The following GRIA3 variants were observed in gnomAD, a reference collection of about 807,000 sequenced individuals.
The protein encoded by GRIA3 is glutamate receptor 3.
GRIA3 carries 3 observed loss-of-function variants against 63.0 expected under a neutral mutation model. That is an observed-to-expected ratio of 0.05 (90% CI 0.02 to 0.12). GRIA3 has a LOEUF of 0.12. GRIA3 is among the 10% of genes least tolerant of loss of function. The probability of loss-of-function intolerance (pLI) is 1.00; values close to 1 mark genes in which losing one functional copy is unlikely to be tolerated. For synonymous variants in GRIA3, 274 were observed against 257.9 expected, an observed-to-expected ratio of 1.06 and a Z score of -0.60; for missense variants, 347 against 700.9, an observed-to-expected ratio of 0.50 and a Z score of 5.70.
intron 3 of GRIA3, among the ~76,000 whole-genome samples, chrX:123,268,055 C>T (rs2044498545): frequency 9.0e-6 from 1 of 111,690 alleles, no homozygotes; most frequent in Non-Finnish European, 1.9e-5. Context: ...GACCTGAGAT[C>T]CTTGTTCCTG....
intron 2 of GRIA3, among the ~76,000 whole-genome samples, chrX:123,224,386 A>G (rs953831997): frequency 2.7e-5 from 3 of 111,393 alleles, no homozygotes; most frequent in Non-Finnish European, 3.8e-5. Flanking sequence ...CTTCAACCCA[A>G]CAGACACTTA....
At chrX:123,410,389 G>C (rs1165987085) in intron 10 of GRIA3, among the ~76,000 whole-genome samples, 1 of 112,051 alleles carries the variant, frequency 8.9e-6, no homozygotes, top group African/African-American at 3.2e-5. Flanking sequence ...TTCTGACTTA[G>C]AAGATAGCAG....
At chrX:123,415,358 T>C (rs1479046079) in intron 10 of GRIA3, among the ~76,000 whole-genome samples, 1 of 111,755 alleles carries the variant, frequency 8.9e-6, no homozygotes, top group Non-Finnish European at 1.9e-5. Flanking sequence ...GACAGAGAAA[T>C]ATAGAATGCA....
chrX:123,272,136 G>A (rs916286189), intron 3 of GRIA3, among the ~76,000 whole-genome samples: 26 of 111,314 alleles, frequency 2.3e-4, no homozygotes, highest in African/African-American at 7.8e-4. Context: ...TGCCTTGGGC[G>A]TCAGTCACAT....
At chrX:123,460,713 G>A (rs1388691975) in intron 12 of GRIA3, among the ~76,000 whole-genome samples, 2 of 111,492 alleles carry the variant, frequency 1.8e-5, no homozygotes, top group African/African-American at 3.3e-5. Context: ...AGGTACACAG[G>A]TGTTTTTACA....
intron 5 of GRIA3, among the ~76,000 whole-genome samples, chrX:123,391,635 G>T (rs1337871547): frequency 1.8e-5 from 2 of 111,864 alleles, no homozygotes; most frequent in Admixed American, 9.5e-5. Flanking sequence ...GGCCCTCCAG[G>T]CAGCTTGCTC....
chrX:123,435,533 A>G (rs2045639447), intron 12 of GRIA3, among the ~76,000 whole-genome samples: 1 of 112,035 alleles, frequency 8.9e-6, no homozygotes, highest in Non-Finnish European at 1.9e-5. Context: ...ATGTTAAGGC[A>G]TCTGTATCAT....
At chrX:123,189,268 C>T (rs944931253) in intron 2 of GRIA3, among the ~76,000 whole-genome samples, 9 of 112,290 alleles carry the variant, frequency 8.0e-5, no homozygotes, top group African/African-American at 6.5e-5. Flanking sequence ...AGGATATATA[C>T]ATTCATAGAC....
chrX:123,265,397 T>C (rs1228634261), intron 3 of GRIA3, among the ~76,000 whole-genome samples: 1 of 112,180 alleles, frequency 8.9e-6, no homozygotes, highest in Non-Finnish European at 1.9e-5. Context: ...TTATATGCTA[T>C]ATCTATTATA....
chrX:123,391,822 T>TGTAGGTAGCACATGCAGGTGA (rs1279640437), intron 5 of GRIA3, among the ~76,000 whole-genome samples: 1 of 112,476 alleles, frequency 8.9e-6, no homozygotes. Context: ...TCTTGAGGCC[T>TGTAGGTAGCACATGCAGGTGA]GTAGGTAGCA....
chrX:123,393,013 ACT>A (rs1171375868), intron 5 of GRIA3, among the ~76,000 whole-genome samples: 2 of 112,464 alleles, frequency 1.8e-5, no homozygotes, highest in Admixed American at 1.9e-4. Context: ...GGGAGAAAAC[ACT>A]GAGTCTTATT....
chrX:123,216,844 G>C, intron 2 of GRIA3, among the ~76,000 whole-genome samples: 1 of 111,288 alleles, frequency 9.0e-6, no homozygotes, highest in Non-Finnish European at 1.9e-5. Flanking sequence ...TACAATGAAG[G>C]GTCATAATCT....
intron 11 of GRIA3, among the ~76,000 whole-genome samples, chrX:123,420,726 T>C (rs562285821): frequency 9.0e-6 from 1 of 111,450 alleles, no homozygotes; most frequent in Admixed American, 9.6e-5. Context: ...TATATATATA[T>C]TGATTCATTA....
intron 5 of GRIA3, among the ~76,000 whole-genome samples, chrX:123,393,588 C>T (rs2045397712): frequency 8.9e-6 from 1 of 112,100 alleles, no homozygotes; most frequent in South Asian, 3.7e-4. Context: ...TAATGACCTG[C>T]ATGCTGAAAT....
chrX:123,219,456 T>C (rs1373076987), intron 2 of GRIA3, among the ~76,000 whole-genome samples: 1 of 112,393 alleles, frequency 8.9e-6, no homozygotes, highest in East Asian at 2.8e-4. Context: ...ACTGAAAATA[T>C]GTGTATATGG....
intron 10 of GRIA3, among the ~76,000 whole-genome samples, chrX:123,416,840 T>C (rs921905516): frequency 1.8e-5 from 2 of 112,531 alleles, no homozygotes; most frequent in African/African-American, 6.5e-5. Flanking sequence ...GAAGATTGAG[T>C]CTCTGCCTTC....
chrX:123,236,515 C>A (rs187470384), intron 2 of GRIA3, among the ~76,000 whole-genome samples: 4 of 110,644 alleles, frequency 3.6e-5, no homozygotes, highest in Non-Finnish European at 7.6e-5. Context: ...GCTGCTTTTC[C>A]CCCCAGAGAA....
At chrX:123,217,337 G>T (rs1045992579) in intron 2 of GRIA3, among the ~76,000 whole-genome samples, 1 of 111,631 alleles carries the variant, frequency 9.0e-6, no homozygotes, top group Non-Finnish European at 1.9e-5. Flanking sequence ...TAATGGAGAA[G>T]AGGGTGGAGG....
intron 13 of GRIA3, among the ~76,000 whole-genome samples, chrX:123,470,968 G>C (rs1241349624): frequency 8.9e-6 from 1 of 112,257 alleles, no homozygotes; most frequent in Non-Finnish European, 1.9e-5. Context: ...AATCATTACA[G>C]ATCGATGGCA....
Sources: allele counts gnomAD v4.1 joint callset (sites outside exome capture counted in the v4.1 genomes callset), GRCh38; gene constraint gnomAD v4.1.1; transcripts MANE v1.5; gene names NCBI Gene and HGNC (gene_info 2026-07-23, HGNC 2026-07-21).